The following NR3C2 variants were observed in gnomAD, a reference collection of about 807,000 sequenced individuals.
NR3C2 encodes mineralocorticoid receptor.
Under a neutral mutation model 86.4 loss-of-function variants are expected in NR3C2, and 15 were observed. The observed-to-expected ratio is 0.17, with a 90% CI of 0.12 to 0.27. The LOEUF is 0.27. Ranked by LOEUF, NR3C2 falls within the 10% of genes least tolerant of loss-of-function variation. NR3C2 has a pLI of 1.00. For synonymous variants in NR3C2, 458 were observed against 450.5 expected (o/e 1.02, Z -0.21); for missense variants, 960 against 1,195.6 (o/e 0.80, Z 2.91).
intron 2 of NR3C2, among the ~76,000 whole-genome samples, chr4:148,320,918 A>G (rs2149952724): frequency 1.3e-5 from 2 of 148,796 alleles, no homozygotes; most frequent in South Asian, 2.2e-4. Flanking sequence ...GCCTTCTGCT[A>G]GCTTTTGAAT....
At chr4:148,440,173 G>A (rs1161982725) in intron 1 of NR3C2, among the ~76,000 whole-genome samples, 2 of 152,120 alleles carry the variant, frequency 1.3e-5, no homozygotes, top group Non-Finnish European at 2.9e-5. Context: ...GCATCTGCAC[G>A]GCTTCTACAC....
rs2126312175 is a variant in NR3C2, at chr4:148,362,566, G to A, written c.1757+72538C>T. Among the ~76,000 whole-genome samples the A allele has an allele frequency of 2.0e-5, 3 of 152,170 alleles. 1 individual carries two copies. In the Middle Eastern group the frequency reaches 0.01, roughly 518 times the overall value. ...ATTATTTCCATTCACTTACGGAATT[G>A]TACATATTCACTCCCGCTTTCATCT... On this transcript the variant is annotated intron_variant, in intron 2 of 8. Transcript: ENST00000358102.
At position 148,392,616 on chromosome 4, in the gene NR3C2, G is replaced by T. The variant is rs915552536; in HGVS notation, c.1757+42488C>A. The stretch of plus-strand genomic sequence containing the variant: ...CTGCTCTATGAACATGTACTGAACA[G>T]AGAGAGAGAACTGGCTACCAAGACT... On this transcript the variant is annotated intron_variant, in intron 2 of 8. Transcript: ENST00000358102. 1.6e-4 allele frequency among the ~76,000 whole-genome samples: 24 copies of T among 152,166 alleles called. 1 individual carries two copies. The highest frequency in any genetic ancestry group is 5.9e-5 in the Non-Finnish European group (4 of 68,022).
At chr4:148,202,363 A>T (rs1016526869) in intron 3 of NR3C2, among the ~76,000 whole-genome samples, 2 of 152,088 alleles carry the variant, frequency 1.3e-5, no homozygotes, top group African/African-American at 4.8e-5. Flanking sequence ...AGTACATTTG[A>T]GAAGAATTAA....
intron 2 of NR3C2, among the ~76,000 whole-genome samples, chr4:148,386,401 C>A (rs184934860): frequency 2.0e-5 from 3 of 152,282 alleles, no homozygotes; most frequent in Admixed American, 1.3e-4. Context: ...AAACAAGTAA[C>A]CTGATGGTAA....
intron 1 of NR3C2, among the ~76,000 whole-genome samples, chr4:148,438,205 G>C (rs1478175775): frequency 6.6e-6 from 1 of 152,082 alleles, no homozygotes; most frequent in Non-Finnish European, 1.5e-5. Flanking sequence ...ATAATGCATT[G>C]CTAAGGCGTT....
intron 3 of NR3C2, 136 bp from the exon 4 acceptor site, chr4:148,194,998 G>A (rs1736374964): frequency 2.9e-6 from 2 of 697,474 alleles, no homozygotes; most frequent in African/African-American, 1.8e-5. Flanking sequence ...TACATGATTT[G>A]TGGATAATAT....
At chr4:148,245,653 C>G (rs1014323206) in intron 3 of NR3C2, among the ~76,000 whole-genome samples, 1 of 151,996 alleles carries the variant, frequency 6.6e-6, no homozygotes, top group African/African-American at 2.4e-5. Flanking sequence ...CTGATGACAA[C>G]CCAGTACATC....
At chr4:148,125,142 A>G (rs11726122) in intron 6 of NR3C2, among the ~76,000 whole-genome samples, 18,557 of 152,200 alleles carry the variant, frequency 0.12, 1,267 homozygotes, top group South Asian at 0.2. Context: ...TGCTACTGCC[A>G]TGGGTATAAG....
rs56119033 is a variant in NR3C2, at chr4:148,134,899, C to T, written c.2511-14611G>A. ...CTCGAACTCCTGACCTCAGGTGATC[C>T]GCCCCACCTCGGCTTCCCAAAGTGC... On this transcript the variant is annotated intron_variant, in intron 6 of 8. Coordinates refer to ENST00000358102, the MANE Select transcript of NR3C2 (RefSeq NM_000901.5). 9.6e-3 allele frequency among the ~76,000 whole-genome samples: 1,453 copies of T among 151,726 alleles called. 24 individuals are homozygous for T. The highest frequency in any genetic ancestry group is 0.033 in the African/African-American group (1,385 of 41,358).
At chr4:148,327,338 G>A (rs1744022201) in intron 2 of NR3C2, among the ~76,000 whole-genome samples, 2 of 152,154 alleles carry the variant, frequency 1.3e-5, no homozygotes, top group Admixed American at 1.3e-4. Context: ...GGTTTTAAAA[G>A]TACAGTTTAA....
intron 2 of NR3C2, among the ~76,000 whole-genome samples, chr4:148,391,119 C>A (rs539183247): frequency 7.2e-5 from 11 of 152,286 alleles, no homozygotes; most frequent in African/African-American, 2.6e-4. Context: ...AAATGATTCT[C>A]TGCTTTTATT....
chr4:148,423,723 T>C (rs543439363), intron 2 of NR3C2, among the ~76,000 whole-genome samples: 44 of 152,322 alleles, frequency 2.9e-4, no homozygotes, highest in Non-Finnish European at 4.9e-4. Flanking sequence ...ATTATTATTT[T>C]TGAAACAGAG....
At chr4:148,256,665 CT>C (rs1396695720) in intron 3 of NR3C2, among the ~76,000 whole-genome samples, 1 of 151,958 alleles carries the variant, frequency 6.6e-6, no homozygotes, top group East Asian at 1.9e-4. Flanking sequence ...AGGGAGAACC[CT>C]TTTTTTAAGT....
At chr4:148,197,145 A>G (rs910925137) in intron 3 of NR3C2, among the ~76,000 whole-genome samples, 1 of 152,210 alleles carries the variant, frequency 6.6e-6, no homozygotes, top group Non-Finnish European at 1.5e-5. Context: ...TTTTCTAAAT[A>G]CTAATTTGCA....
chr4:148,368,240 C>T, intron 2 of NR3C2: 1 of 152,220 alleles, frequency 6.6e-6, no homozygotes, highest in East Asian at 1.9e-4. Context: ...CAAACCCCAG[C>T]TGAGATTCTT....
chr4:148,131,873 C>G (rs1470880235), intron 6 of NR3C2, among the ~76,000 whole-genome samples: 1 of 152,100 alleles, frequency 6.6e-6, no homozygotes, highest in East Asian at 1.9e-4. Context: ...ACTTCAACAT[C>G]AAATATCCAC....
At chr4:148,360,573 C>A (rs1745787719) in intron 2 of NR3C2, among the ~76,000 whole-genome samples, 1 of 152,060 alleles carries the variant, frequency 6.6e-6, no homozygotes, top group African/African-American at 2.4e-5. Flanking sequence ...CCCTTAAGAA[C>A]CTTTAAAAAA....
intron 2 of NR3C2, among the ~76,000 whole-genome samples, chr4:148,277,675 C>G (rs1454011164): frequency 6.6e-6 from 1 of 152,166 alleles, no homozygotes; most frequent in Admixed American, 6.5e-5. Flanking sequence ...TATTTGCAAT[C>G]TAAAGTTCAA....
Sources: allele counts gnomAD v4.1 joint callset (sites outside exome capture counted in the v4.1 genomes callset), GRCh38; gene constraint gnomAD v4.1.1; transcripts MANE v1.5; gene names NCBI Gene and HGNC (gene_info 2026-07-23, HGNC 2026-07-21).